PXDNL: variants seen among roughly 807,000 people sequenced by gnomAD.
PXDNL encodes the protein peroxidasin like, also known as probable oxidoreductase PXDNL.
Under a neutral mutation model 150.8 loss-of-function variants are expected in PXDNL, and 145 were observed. The ratio of observed to expected loss-of-function variants is 0.96; its 90% CI spans 0.84 to 1.10. The LOEUF is 1.10. PXDNL is among the 50% of genes least tolerant of loss of function. The pLI is 0.00. For missense variants in PXDNL, 2,087 were observed against 1,873.9 expected (o/e 1.11, Z -2.10); for synonymous variants, 757 against 725.7 (o/e 1.04, Z -0.69).
chr8:51,358,434 A>T (rs2976993), intron 19 of PXDNL, among the ~76,000 whole-genome samples: 2,588 of 152,156 alleles, frequency 0.017, 86 homozygotes, highest in African/African-American at 0.06. Context: ...TGGTTTTCTC[A>T]GACCTTGTGT....
intron 1 of PXDNL, among the ~76,000 whole-genome samples, chr8:51,668,264 T>C (rs1815430843): frequency 6.9e-6 from 1 of 145,096 alleles, no homozygotes; most frequent in South Asian, 2.3e-4. Flanking sequence ...ATCCTCTGCT[T>C]CCTGGGTTCA....
At chr8:51,749,820 C>A (rs970588527) in intron 1 of PXDNL, among the ~76,000 whole-genome samples, 4 of 152,134 alleles carry the variant, frequency 2.6e-5, no homozygotes, top group African/African-American at 9.7e-5. Flanking sequence ...CCTGCCTCAG[C>A]CTCCTGAGTA....
At chr8:51,560,301 A>G (rs1812693095) in intron 3 of PXDNL, among the ~76,000 whole-genome samples, 1 of 152,012 alleles carries the variant, frequency 6.6e-6, no homozygotes, top group East Asian at 1.9e-4. Context: ...TTTTTTGCAG[A>G]AATAGGGAAT....
At chr8:51,547,802 A>G (rs4873561) in intron 4 of PXDNL, among the ~76,000 whole-genome samples, 37,863 of 152,076 alleles carry the variant, frequency 0.25, 5,458 homozygotes, top group African/African-American at 0.38. Context: ...CATCCCCAAA[A>G]GCTCACACTA....
At chr8:51,711,271 G>T (rs1816491571) in intron 1 of PXDNL, among the ~76,000 whole-genome samples, 1 of 152,160 alleles carries the variant, frequency 6.6e-6, no homozygotes, top group Admixed American at 6.5e-5. Flanking sequence ...TCAAGTAGCT[G>T]GGATTACAGG....
At position 51,409,351 on chromosome 8, in the gene PXDNL, C is replaced by T. The variant is rs1244267078; in HGVS notation, c.2273G>A (p.Arg758Gln). The T allele has an allele frequency of 2.6e-6, 4 of 1,538,076 alleles. No individual in the cohort carries two copies. The highest frequency in any genetic ancestry group is 2.8e-5 in the African/African-American group (2 of 70,712). The change falls in exon 17 of 23, where the codon CGG becomes CAG. Residue 758 changes from arginine to glutamine, a missense_variant. Arg to Gln is a conservative substitution (Grantham distance 43). Coordinates refer to ENST00000356297, the MANE Select transcript of PXDNL (RefSeq NM_144651.5). ...CCCGCGGGGCGCGCGGATGCCGTCCCGGTAGGCTGGCTGCAGCAGGCGCGC... is the reference window on the plus strand; with the variant it reads ...CCCGCGGGGCGCGCGGATGCCGTCCTGGTAGGCTGGCTGCAGCAGGCGCGC... ...AFARLLQPAYRDGIRAPRGLG... is the reference protein window; with the variant it reads ...AFARLLQPAYQDGIRAPRGLG...
chr8:51,378,595 T>C (rs961176997), intron 17 of PXDNL, among the ~76,000 whole-genome samples: 11 of 152,356 alleles, frequency 7.2e-5, no homozygotes, highest in Admixed American at 3.3e-4. Context: ...ATTTGTTCTT[T>C]TGCGCTTTGC....
At chr8:51,732,851 T>G (rs1816960032) in intron 1 of PXDNL, among the ~76,000 whole-genome samples, 1 of 152,122 alleles carries the variant, frequency 6.6e-6, no homozygotes, top group South Asian at 2.1e-4. Flanking sequence ...TCCCCATAAT[T>G]TAATTACCTC....
intron 1 of PXDNL, among the ~76,000 whole-genome samples, chr8:51,727,915 A>C (rs1229219705): frequency 2.0e-5 from 3 of 152,240 alleles, no homozygotes; most frequent in African/African-American, 7.2e-5. Context: ...GATTCTGTTA[A>C]ATTTATTTTC....
At position 51,707,594 on chromosome 8, in the gene PXDNL, A is replaced by AT. The variant is rs1816408014; in HGVS notation, c.165-52835dup. ...TACAATTCTGTTTTGTTAACCGCAG[A>AT]TACTGTTCTGCAAAACACATCTCTA... On this transcript the variant is annotated intron_variant, in intron 1 of 22. Coordinates refer to ENST00000356297, the MANE Select transcript of PXDNL (RefSeq NM_144651.5). Among the ~76,000 whole-genome samples the AT allele has an allele frequency of 2.0e-5, 3 of 152,202 alleles. No homozygotes were observed. In the East Asian group the frequency reaches 5.8e-4, roughly 29 times the overall value.
intron 4 of PXDNL, among the ~76,000 whole-genome samples, chr8:51,533,757 G>T (rs1241478187): frequency 3.3e-4 from 49 of 147,948 alleles, no homozygotes; most frequent in African/African-American, 7.0e-4. Flanking sequence ...GAGGTGCCGG[G>T]ATTGCAGACG....
At chr8:51,804,665 T>C (rs571735998) in intron 1 of PXDNL, among the ~76,000 whole-genome samples, 1 of 152,128 alleles carries the variant, frequency 6.6e-6, no homozygotes, top group Non-Finnish European at 1.5e-5. Context: ...AAAGCTACTA[T>C]TCCATAACAC....
At position 51,364,609 on chromosome 8, in the gene PXDNL, A is replaced by G. The variant is rs28792466; in HGVS notation, c.3901+7264T>C. Among the ~76,000 whole-genome samples, 736 of 152,352 alleles carry G rather than the reference A, an allele frequency of 4.8e-3. 6 individuals carry two copies. The highest frequency in any genetic ancestry group is 0.017 in the African/African-American group (694 of 41,588). On this transcript the variant is annotated intron_variant, in intron 19 of 22. Coordinates refer to ENST00000356297, the MANE Select transcript of PXDNL (RefSeq NM_144651.5). ...AGATATTGAAGCCAGCCTTATATAC[A>G]TAGACAACTTTATGCTTTGATAGAT...
chr8:51,393,358 G>A (rs1807970586), intron 17 of PXDNL, among the ~76,000 whole-genome samples: 2 of 152,048 alleles, frequency 1.3e-5, no homozygotes, highest in South Asian at 2.1e-4. Context: ...CGTCATATTC[G>A]GGATGAGAAG....
intron 8 of PXDNL, among the ~76,000 whole-genome samples, chr8:51,461,756 A>G (rs951497517): frequency 6.6e-6 from 1 of 152,232 alleles, no homozygotes; most frequent in Non-Finnish European, 1.5e-5. Context: ...AAGAAAATGT[A>G]GGTGTGTCAA....
At chr8:51,678,356 C>A (rs1193195808) in intron 1 of PXDNL, among the ~76,000 whole-genome samples, 2 of 152,118 alleles carry the variant, frequency 1.3e-5, no homozygotes, top group Non-Finnish European at 2.9e-5. Flanking sequence ...TTAGTCCACA[C>A]CTATTTTTGT....
intron 2 of PXDNL, among the ~76,000 whole-genome samples, chr8:51,640,978 A>C (rs1397208296): frequency 6.6e-6 from 1 of 152,202 alleles, no homozygotes; most frequent in East Asian, 1.9e-4. Context: ...CAGTAACCCA[A>C]ACAGCATGGT....
At chr8:51,735,610 G>T (rs867464329) in intron 1 of PXDNL, among the ~76,000 whole-genome samples, 170 of 136,614 alleles carry the variant, frequency 1.2e-3, no homozygotes, top group African/African-American at 4.4e-3. Flanking sequence ...GCAGTGGCGG[G>T]ATCTCGGCTC....
intron 14 of PXDNL, among the ~76,000 whole-genome samples, chr8:51,422,758 A>G (rs1168048836): frequency 2.0e-5 from 3 of 152,294 alleles, no homozygotes; most frequent in African/African-American, 4.8e-5. Flanking sequence ...TCCTGAACCC[A>G]TTTGCAAAAA....
Sources: gnomAD v4.1 joint callset for allele counts (sites outside exome capture counted in the v4.1 genomes callset) on GRCh38, gnomAD v4.1.1 for gene constraint, MANE v1.5 for transcripts, NCBI Gene and HGNC (gene_info 2026-07-23, HGNC 2026-07-21) for gene names.